The following KIF3A variants were observed in gnomAD, a reference collection of about 807,000 sequenced individuals.
KIF3A encodes the protein kinesin-like protein KIF3A.
Under a neutral mutation model 92.6 loss-of-function variants are expected in KIF3A, and 27 were observed. That is an observed-to-expected ratio of 0.29 (90% confidence interval 0.21 to 0.40). The LOEUF (loss-of-function observed/expected upper bound fraction) is 0.40, where lower values mean the gene tolerates loss of function less well. Ranked by LOEUF, KIF3A falls within the 10% of genes least tolerant of loss-of-function variation. KIF3A has a pLI of 1.00. For missense variants in KIF3A, 581 were observed against 872.6 expected (o/e 0.67, Z 4.21); for synonymous variants, 250 against 275.4 (o/e 0.91, Z 0.92).
At chr5:132,731,382 C>T (rs933100454) in intron 2 of KIF3A, among the ~76,000 whole-genome samples, 6 of 151,890 alleles carry the variant, frequency 4.0e-5, no homozygotes, top group African/African-American at 1.5e-4. Context: ...ACCATATTAA[C>T]AAACCTTAAA....
Position 132,696,741 on chromosome 5 carries a change from C to T in KIF3A, c.2133-59G>A, listed in dbSNP as rs946391210. 13 of 1,281,400 alleles carry T rather than the reference C, an allele frequency of 1.0e-5. No homozygotes were observed. The Admixed American group carries it at 1.9e-4, about 18-fold the overall frequency. The allele number at this position is 1,281,400 out of a possible 1,614,324, so 79.4% of individuals were successfully genotyped here. On this transcript the variant is annotated intron_variant, in intron 18 of 18. Coordinates refer to ENST00000403231, the MANE Select transcript of KIF3A (RefSeq NM_001300791.2). ...CTTTCCTAAAAGACTGAAATGCAAA[C>T]ATTTAACATTATATAGAAACTATGG...
At chr5:132,708,342 T>C (rs1484227094) in intron 10 of KIF3A, among the ~76,000 whole-genome samples, 1 of 151,312 alleles carries the variant, frequency 6.6e-6, no homozygotes, top group South Asian at 2.1e-4. Context: ...TACAGAAATA[T>C]GGATAAATGT....
At chr5:132,689,096 T>C (rs1752606178), downstream of KIF3A, among the ~76,000 whole-genome samples, 1 of 152,214 alleles carries the variant, frequency 6.6e-6, no homozygotes, top group South Asian at 2.1e-4. Context: ...AACAGGTTCT[T>C]TTTGAAGTAG....
intron 2 of KIF3A, among the ~76,000 whole-genome samples, chr5:132,731,114 T>C (rs116663645): frequency 0.026 from 3,889 of 152,222 alleles, 172 homozygotes; most frequent in African/African-American, 0.09. Context: ...TAAGAAATAA[T>C]ACCAATTCTA....
Position 132,737,404 on chromosome 5 carries a change from C to G in KIF3A, c.6+10G>C, listed in dbSNP as rs899960157. 5 of 1,608,602 alleles carry G rather than the reference C, an allele frequency of 3.1e-6. No homozygotes were observed. The highest frequency in any genetic ancestry group is 1.7e-5 in the Admixed American group (1 of 59,500). ...AGAAGAAACCCCAGAAGCGAAGCGA[C>G]TCTCCTCACCGGCATCTTGGCCCCC... On this transcript the variant is annotated intron_variant, in intron 1 of 18. Coordinates refer to ENST00000403231, the MANE Select transcript of KIF3A (RefSeq NM_001300791.2).
intron 7 of KIF3A, 140 bp downstream of exon 7, chr5:132,716,105 G>A (rs767214521): frequency 1.3e-4 from 113 of 844,064 alleles, no homozygotes; most frequent in Non-Finnish European, 2.0e-4. Flanking sequence ...GCTAATACAC[G>A]AGTGTACCAC....
chr5:132,734,174 G>T (rs1189930817), intron 2 of KIF3A, 31 bp downstream of exon 2: 1 of 1,543,136 alleles, frequency 6.5e-7, no homozygotes, highest in East Asian at 2.2e-5. Context: ...TCTCAATAAG[G>T]GAGTTTTTTA....
intron 1 of KIF3A, chr5:132,736,627 T>TA (rs1229590460): frequency 8.4e-5 from 26 of 310,792 alleles, no homozygotes; most frequent in Non-Finnish European, 1.4e-4. Context: ...ATAGAGCATT[T>TA]AATCTTAAAT....
chr5:132,726,855 T>A (rs775443345), intron 2 of KIF3A, among the ~76,000 whole-genome samples: 1 of 152,216 alleles, frequency 6.6e-6, no homozygotes, highest in Non-Finnish European at 1.5e-5. Flanking sequence ...AGAAAAAGAA[T>A]ACAGGCTCTA....
intron 9 of KIF3A, among the ~76,000 whole-genome samples, chr5:132,710,460 C>CA (rs1284244012): frequency 6.6e-6 from 1 of 152,000 alleles, no homozygotes; most frequent in East Asian, 1.9e-4. Context: ...ACTAAAAATA[C>CA]AAAAAATTAG....
In KIF3A at chr5:132,700,656, T is replaced by G. The variant is rs1753005375; in HGVS notation, c.1929A>C (p.Glu643Asp). 2.5e-6 allele frequency: 4 copies of G among 1,586,432 alleles called. No homozygotes were observed. The East Asian group carries it at 8.9e-5, about 35-fold the overall frequency. The change falls in exon 16 of 19, where the codon GAA (glutamate) becomes GAC (aspartate). Residue 643 changes from glutamate (E) to aspartate (D), a missense_variant. Coordinates refer to ENST00000403231, the MANE Select transcript of KIF3A (RefSeq NM_001300791.2). ...NYVHWNEDIG[E>D]WQLKCVAYTG... ...TGAAGGTAATACTCACTAGCTGCCA[T>G]TCTCCTATGTCTTCATTCCAATGGA...
At chr5:132,709,666 T>C (rs1322672038) in intron 9 of KIF3A, among the ~76,000 whole-genome samples, 2 of 152,174 alleles carry the variant, frequency 1.3e-5, no homozygotes, top group Non-Finnish European at 2.9e-5. Context: ...AAACTAGGTG[T>C]GAACAAAAAA....
At position 132,694,317 on chromosome 5, in the gene KIF3A, G is replaced by A. The variant is rs1287588127; in HGVS notation, c.*2317C>T. ...CAACTCAGGAGGCTGAAGAGACAGAGGTTACAGTGAGCCGAGATTGTCCCA... is the reference window on the plus strand; with the variant it reads ...CAACTCAGGAGGCTGAAGAGACAGAAGTTACAGTGAGCCGAGATTGTCCCA... On this transcript the variant is annotated 3_prime_UTR_variant, in exon 19 of 19. Coordinates refer to ENST00000403231, the MANE Select transcript of KIF3A (RefSeq NM_001300791.2). 6.6e-6 allele frequency: 1 copy of A among 152,084 alleles called. No individual in the cohort carries two copies. The highest frequency in any genetic ancestry group is 1.5e-5 in the Non-Finnish European group (1 of 68,042). 9.4% of individuals were successfully genotyped at this position (152,084 alleles called of 1,614,324 possible).
chr5:132,729,328 T>C (rs2149919757), intron 2 of KIF3A, among the ~76,000 whole-genome samples: 1 of 152,276 alleles, frequency 6.6e-6, no homozygotes, highest in East Asian at 1.9e-4. Context: ...GGGATGCTCC[T>C]GTAGTCTCAG....
At chr5:132,712,533 A>G (rs542186022) in intron 8 of KIF3A, among the ~76,000 whole-genome samples, 1 of 152,380 alleles carries the variant, frequency 6.6e-6, no homozygotes, top group Non-Finnish European at 1.5e-5. Context: ...AATGATGAGA[A>G]TAGAAAATAA....
chr5:132,710,903 TACC>T, intron 9 of KIF3A, 53 bp downstream of exon 9: 2 of 1,612,164 alleles, frequency 1.2e-6, no homozygotes, highest in Admixed American at 3.3e-5. Context: ...TCATGCACTC[TACC>T]ACCTTGTGAA....
chr5:132,696,646 A>T lies in KIF3A; in HGVS notation c.2169T>A (p.Ser723=), dbSNP rs1291775702. ...RSAKPETVID[S]LLQ is the part of the protein sequence containing the mutation. ...AAGTCTGTAACATTTACTGCAGTAA[A>T]GAGTCAATTACAGTTTCAGGCTTTG... The change falls in exon 19 of 19, where the codon TCT becomes TCA. Residue 723 remains serine (S), a synonymous_variant. Transcript: ENST00000403231. 1.9e-6 allele frequency: 3 copies of T among 1,607,446 alleles called. No homozygotes were observed. Among genetic ancestry groups the T allele is most frequent in the Non-Finnish European group, 2.6e-6 (3 of 1,174,068 alleles).
intron 4 of KIF3A, among the ~76,000 whole-genome samples, chr5:132,724,806 A>AAAAAAATT (rs59476182): frequency 0.022 from 488 of 22,624 alleles, 55 homozygotes; most frequent in East Asian, 0.077. Context: ...AAAAAAAAAA[A>AAAAAAATT]ATATATATAT....
intron 5 of KIF3A, among the ~76,000 whole-genome samples, 186 bp downstream of exon 5, chr5:132,720,423 A>G (rs1040735364): frequency 1.3e-5 from 2 of 152,222 alleles, no homozygotes; most frequent in African/African-American, 2.4e-5. Flanking sequence ...TTTGCTCGGC[A>G]TGGAAAATGA....
Sources: gnomAD v4.1 joint callset for allele counts (sites outside exome capture counted in the v4.1 genomes callset) on GRCh38, gnomAD v4.1.1 for gene constraint, MANE v1.5 for transcripts, NCBI Gene and HGNC (gene_info 2026-07-23, HGNC 2026-07-21) for gene names.